The following LRRC7 variants were observed in gnomAD, a reference collection of about 807,000 sequenced individuals.
LRRC7 encodes leucine rich repeat containing 7.
In LRRC7, 23 loss-of-function variants were observed where a neutral mutation model predicts 175.7. The ratio of observed to expected loss-of-function variants is 0.13; its 90% confidence interval spans 0.09 to 0.19. The LOEUF (loss-of-function observed/expected upper bound fraction) is 0.19, where lower values mean the gene tolerates loss of function less well. Among genes scored for constraint, LRRC7 ranks in the 10% least tolerant of loss-of-function variants. LRRC7 has a pLI of 1.00. For missense variants in LRRC7, 1,354 were observed against 1,904.7 expected, an observed-to-expected ratio of 0.71 and a Z score of 5.38; for synonymous variants, 685 against 680.9, an observed-to-expected ratio of 1.01 and a Z score of -0.09.
chr1:69,801,656 A>T (rs1468311640), intron 4 of LRRC7, among the ~76,000 whole-genome samples: 1 of 151,278 alleles, frequency 6.6e-6, no homozygotes, highest in Non-Finnish European at 1.5e-5. Flanking sequence ...TTTATCTTTT[A>T]AAGTACCAAC....
chr1:69,838,344 A>G, intron 7 of LRRC7, 61 bp downstream of exon 7: 3 of 1,307,082 alleles, frequency 2.3e-6, no homozygotes, highest in Non-Finnish European at 3.3e-6. Flanking sequence ...TAAGAGAAAT[A>G]ACTACTTTTA....
At chr1:69,718,177 A>AAG (rs1366913143) in intron 2 of LRRC7, among the ~76,000 whole-genome samples, 2 of 146,850 alleles carry the variant, frequency 1.4e-5, no homozygotes, top group Admixed American at 6.8e-5. Context: ...AGAAAGAAGA[A>AAG]AAGAAAAGAA....
chr1:69,792,011 G>T, intron 3 of LRRC7, 32 bp from the exon 4 acceptor site: 1 of 1,339,086 alleles, frequency 7.5e-7, no homozygotes, highest in South Asian at 1.2e-5. Context: ...TAACCAAATT[G>T]AGATCTAATT....
chr1:69,857,074 TA>T (rs1231734201), intron 7 of LRRC7, among the ~76,000 whole-genome samples: 1 of 152,180 alleles, frequency 6.6e-6, no homozygotes, highest in Admixed American at 6.6e-5. Context: ...TCCTTCATGC[TA>T]AAAACTCTCA....
At chr1:69,907,681 T>A (rs1181447687) in intron 7 of LRRC7, among the ~76,000 whole-genome samples, 1 of 152,230 alleles carries the variant, frequency 6.6e-6, no homozygotes, top group African/African-American at 2.4e-5. Context: ...TATTGAGGAT[T>A]TTTCCATCAA....
At chr1:69,572,759 G>A (rs2100880923) in intron 1 of LRRC7, among the ~76,000 whole-genome samples, 1 of 152,166 alleles carries the variant, frequency 6.6e-6, no homozygotes, top group African/African-American at 2.4e-5. Context: ...ATAACTGCAG[G>A]ACATACCAAA....
chr1:69,666,760 T>G (rs227126), intron 1 of LRRC7, among the ~76,000 whole-genome samples: 111,412 of 151,730 alleles, frequency 0.73, 41,290 homozygotes, highest in African/African-American at 0.81. Flanking sequence ...AAAAAAAAAT[T>G]ATTTTTTTCA....
chr1:69,694,742 C>A (rs559401717), intron 2 of LRRC7, among the ~76,000 whole-genome samples: 4 of 151,866 alleles, frequency 2.6e-5, no homozygotes, highest in East Asian at 1.9e-4. Flanking sequence ...ACCCCTACCC[C>A]CCCCCACTTC....
chr1:69,609,155 A>C (rs189069325), intron 1 of LRRC7, among the ~76,000 whole-genome samples: 32 of 151,774 alleles, frequency 2.1e-4, no homozygotes, highest in African/African-American at 7.7e-4. Flanking sequence ...GAGGGAGACT[A>C]TGGACTCCAC....
At chr1:70,081,219 A>G (rs909326083) in intron 24 of LRRC7, among the ~76,000 whole-genome samples, 5 of 152,236 alleles carry the variant, frequency 3.3e-5, no homozygotes, top group African/African-American at 1.2e-4. Flanking sequence ...TGAATAATAT[A>G]TTGAGAATAT....
intron 7 of LRRC7, among the ~76,000 whole-genome samples, chr1:69,928,458 A>C (rs1397662881): frequency 3.9e-5 from 6 of 152,254 alleles, no homozygotes; most frequent in African/African-American, 1.4e-4. Context: ...GGTGGGCTCC[A>C]CTCAGTTTGA....
chr1:69,887,940 G>A (rs1315468126), intron 7 of LRRC7, among the ~76,000 whole-genome samples: 5 of 143,596 alleles, frequency 3.5e-5, no homozygotes, highest in South Asian at 2.3e-4. Flanking sequence ...AGGGGTCAGG[G>A]GTCAGGGACC....
intron 8 of LRRC7, among the ~76,000 whole-genome samples, chr1:69,956,133 C>T (rs1650462632): frequency 6.6e-6 from 1 of 151,744 alleles, no homozygotes. Flanking sequence ...GACTTTACTC[C>T]CTCAGTAGTT....
chr1:69,885,448 G>A (rs1274447827), intron 7 of LRRC7, among the ~76,000 whole-genome samples: 3 of 143,334 alleles, frequency 2.1e-5, no homozygotes, highest in East Asian at 4.1e-4. Flanking sequence ...TATTTCTGTG[G>A]GATCGGTGGT....
intron 3 of LRRC7, among the ~76,000 whole-genome samples, chr1:69,784,817 A>G (rs1190764002): frequency 1.3e-5 from 2 of 152,116 alleles, no homozygotes; most frequent in Non-Finnish European, 2.9e-5. Context: ...TTGGTGCATG[A>G]GTTATTAAAT....
intron 1 of LRRC7, among the ~76,000 whole-genome samples, chr1:69,625,816 C>A (rs1749484): frequency 0.13 from 19,517 of 151,998 alleles, 1,595 homozygotes; most frequent in South Asian, 0.19. Context: ...TTTCTAGTTA[C>A]CTTTATGCCA....
At chr1:69,837,888 A>G (rs1681295671) in intron 6 of LRRC7, among the ~76,000 whole-genome samples, 1 of 151,480 alleles carries the variant, frequency 6.6e-6, no homozygotes, top group Non-Finnish European at 1.5e-5. Context: ...AGCTGTTTGA[A>G]TAGTGATAAT....
Position 69,568,271 on chromosome 1 carries a change from C to T in LRRC7, c.-369C>T, listed in dbSNP as rs1027853374. 13 of 207,846 alleles carry T rather than the reference C, an allele frequency of 6.3e-5. No homozygotes were observed. Among genetic ancestry groups the T allele is most frequent in the Non-Finnish European group, 1.1e-4 (12 of 108,224 alleles). The allele number at this position is 207,846 out of a possible 1,614,324, so 12.9% of individuals were successfully genotyped here. On this transcript the variant is annotated 5_prime_UTR_variant, in exon 1 of 27. Coordinates refer to ENST00000651989, the MANE Select transcript of LRRC7 (RefSeq NM_001370785.2). ...TTCTGGGGGCGGGGAGGGAGCTGCG[C>T]CTCCGCCACCGCCGCCGCCGCCGCC...
chr1:69,813,826 T>C (rs1678254928), intron 4 of LRRC7, among the ~76,000 whole-genome samples: 2 of 151,900 alleles, frequency 1.3e-5, no homozygotes, highest in Non-Finnish European at 2.9e-5. Context: ...AGCTGAAAAA[T>C]AGAGATCAGA....
Sources: gnomAD v4.1 joint callset for allele counts (sites outside exome capture counted in the v4.1 genomes callset) on GRCh38, gnomAD v4.1.1 for gene constraint, MANE v1.5 for transcripts, NCBI Gene and HGNC (gene_info 2026-07-23, HGNC 2026-07-21) for gene names.